PPP1R42: variants seen among roughly 807,000 people sequenced by gnomAD.
The protein encoded by PPP1R42 is leucine rich repeat containing 67.
In PPP1R42, 34 loss-of-function variants were observed where a neutral mutation model predicts 31.0. That is an observed-to-expected ratio of 1.10 (90% CI 0.83 to 1.46). The LOEUF is 1.46. Ranked by LOEUF, PPP1R42 falls within the 40% of genes most tolerant of loss-of-function variation. The probability of loss-of-function intolerance (pLI) is 0.00; values close to 1 mark genes in which losing one functional copy is unlikely to be tolerated. For missense variants in PPP1R42, 268 were observed against 303.0 expected (o/e 0.88, Z 0.86); for synonymous variants, 103 against 109.8 (o/e 0.94, Z 0.39).
chr8:66,994,066 G>T (rs1815266631), intron 5 of PPP1R42, among the ~76,000 whole-genome samples: 1 of 152,062 alleles, frequency 6.6e-6, no homozygotes, highest in African/African-American at 2.4e-5. Context: ...AGAAGTCCCT[G>T]CCCTGGACCA....
At chr8:67,024,254 A>T (rs1432686965) in intron 1 of PPP1R42, among the ~76,000 whole-genome samples, 1 of 152,138 alleles carries the variant, frequency 6.6e-6, no homozygotes, top group East Asian at 1.9e-4. Flanking sequence ...TGGTTATGAA[A>T]TGTTTTTCTT....
At chr8:67,003,757 A>G (rs1815581631) in intron 5 of PPP1R42, among the ~76,000 whole-genome samples, 1 of 152,004 alleles carries the variant, frequency 6.6e-6, no homozygotes, top group South Asian at 2.1e-4. Flanking sequence ...CTTCCTGGAC[A>G]TATGTTGAAA....
chr8:67,015,063 G>A (rs544228300), intron 2 of PPP1R42, among the ~76,000 whole-genome samples: 1 of 152,128 alleles, frequency 6.6e-6, no homozygotes, highest in South Asian at 2.1e-4. Flanking sequence ...CTGTTGGCCA[G>A]GCTGGAGTGC....
At chr8:66,996,079 C>T (rs1175433709) in intron 5 of PPP1R42, among the ~76,000 whole-genome samples, 6 of 152,126 alleles carry the variant, frequency 3.9e-5, no homozygotes, top group Non-Finnish European at 8.8e-5. Flanking sequence ...GAGACAGAGT[C>T]TCACTCTGTC....
At chr8:66,992,880 C>T (rs1815231332) in intron 5 of PPP1R42, among the ~76,000 whole-genome samples, 1 of 152,204 alleles carries the variant, frequency 6.6e-6, no homozygotes, top group African/African-American at 2.4e-5. Context: ...TCTCTCCCCT[C>T]CCGACTATAG....
At chr8:66,988,606 C>T in intron 5 of PPP1R42, 89 bp from the exon 6 acceptor site, 1 of 1,219,020 alleles carries the variant, frequency 8.2e-7, no homozygotes, top group South Asian at 1.6e-5. Flanking sequence ...AAGGTAATTA[C>T]TGCTTTCATG....
chr8:67,019,709 G>A (rs1193110836), intron 1 of PPP1R42, among the ~76,000 whole-genome samples: 1 of 151,266 alleles, frequency 6.6e-6, no homozygotes, highest in African/African-American at 2.4e-5. Flanking sequence ...TGGCTAACAC[G>A]GTGAAACCTC....
At chr8:66,984,526 G>A in intron 6 of PPP1R42, 1 of 1,262,980 alleles carries the variant, frequency 7.9e-7, no homozygotes, top group Non-Finnish European at 1.2e-6. Context: ...CTTGGCTGGG[G>A]TGCTAAATTT....
chr8:67,023,914 G>A (rs1271969447), intron 1 of PPP1R42, among the ~76,000 whole-genome samples: 4 of 151,884 alleles, frequency 2.6e-5, no homozygotes, highest in Non-Finnish European at 2.9e-5. Flanking sequence ...GGAGGCTGAG[G>A]TGGGCAGATC....
At chr8:67,020,420 C>T (rs1426374026) in intron 1 of PPP1R42, among the ~76,000 whole-genome samples, 1 of 152,100 alleles carries the variant, frequency 6.6e-6, no homozygotes, top group East Asian at 1.9e-4. Context: ...AGGCTAGTCT[C>T]GAACTCCTGA....
chr8:67,025,537 T>C (rs7825563), intron 1 of PPP1R42, among the ~76,000 whole-genome samples: 3,659 of 150,378 alleles, frequency 0.024, 161 homozygotes, highest in African/African-American at 0.085. Context: ...ACCTCTTCCA[T>C]CTTAGGGTTT....
intron 6 of PPP1R42, chr8:66,984,048 A>C (rs1053640864): frequency 8.5e-6 from 11 of 1,298,360 alleles, no homozygotes; most frequent in Non-Finnish European, 1.1e-5. Context: ...GAGATCATAC[A>C]AGTGGGAGTG....
At chr8:67,001,048 A>C (rs112191918) in intron 5 of PPP1R42, among the ~76,000 whole-genome samples, 3,023 of 151,996 alleles carry the variant, frequency 0.02, 70 homozygotes, top group South Asian at 0.046. Context: ...TATCATTATA[A>C]ATTTTCCTTA....
chr8:67,023,070 T>TG (rs1816273245), intron 1 of PPP1R42, among the ~76,000 whole-genome samples: 1 of 136,164 alleles, frequency 7.3e-6, no homozygotes, highest in Non-Finnish European at 1.5e-5. Context: ...GTAGTTAAAA[T>TG]TTTTTCTTTT....
chr8:66,970,790 C>G (rs769492218), intron 7 of PPP1R42: 1 of 593,254 alleles, frequency 1.7e-6, no homozygotes, highest in South Asian at 1.5e-5. Flanking sequence ...CCCTTCCCAT[C>G]GTAACTTTCT....
rs914882782 is a variant in PPP1R42 at position 66,974,787 on chromosome 8, A to G, written c.802+7262T>C. 5.7e-4 allele frequency among the ~76,000 whole-genome samples: 86 copies of G among 152,166 alleles called. 5 individuals are homozygous for G. Among genetic ancestry groups the G allele is most frequent in the Non-Finnish European group, 1.5e-5 (1 of 68,026 alleles). On this transcript the variant is annotated intron_variant, in intron 7 of 7. Coordinates refer to ENST00000685739, the MANE Select transcript of PPP1R42 (RefSeq NM_001364910.1). Reference sequence around the variant, plus strand: ...ATTCTAGGCACCTTGTCAAAGATCAATTGACTACATATGCATGGATTTTTT... The same window carrying G: ...ATTCTAGGCACCTTGTCAAAGATCAGTTGACTACATATGCATGGATTTTTT...
At chr8:67,010,883 A>G in intron 4 of PPP1R42, 52 bp from the exon 5 acceptor site, 1 of 1,441,974 alleles carries the variant, frequency 6.9e-7, no homozygotes, top group Non-Finnish European at 9.2e-7. Context: ...AATACTGTAT[A>G]TAGGAACCAG....
chr8:67,020,883 C>G (rs909073293), intron 1 of PPP1R42, among the ~76,000 whole-genome samples: 18 of 152,108 alleles, frequency 1.2e-4, no homozygotes, highest in African/African-American at 3.9e-4. Context: ...CCCACGAGTT[C>G]CAGGTTAGCG....
chr8:67,010,731 TG>T lies in PPP1R42; in HGVS notation c.535del (p.Gln179AsnfsTer5). Reference sequence around the variant, plus strand: ...TTACACTACCTTCACATGCAGAAGTTGGTTGTCAACGGCTATGAGCTGATTA... The same window carrying T: ...TTACACTACCTTCACATGCAGAAGTTGTTGTCAACGGCTATGAGCTGATTA... Reference protein sequence around the residue: ...NLNQLIAVDNQLLHVKDLEFL... With the variant: ...NLNQLIAVDNXLLHVKDLEFL... On this transcript the variant is annotated frameshift_variant, in exon 5 of 8. Coordinates refer to ENST00000685739, the MANE Select transcript of PPP1R42 (RefSeq NM_001364910.1). LOFTEE classifies it high-confidence loss of function. 6.3e-7 allele frequency: 1 copy of T among 1,596,808 alleles called. No individual in the cohort carries two copies. The highest frequency in any genetic ancestry group is 8.5e-7 in the Non-Finnish European group (1 of 1,169,632).
Sources: gnomAD v4.1 joint callset for allele counts (sites outside exome capture counted in the v4.1 genomes callset) on GRCh38, gnomAD v4.1.1 for gene constraint, MANE v1.5 for transcripts, NCBI Gene and HGNC (gene_info 2026-07-23, HGNC 2026-07-21) for gene names.